CNTNAP2: variants seen among roughly 807,000 people sequenced by gnomAD.
CNTNAP2 encodes the protein contactin-associated protein-like 2.
Under a neutral mutation model 155.2 loss-of-function variants are expected in CNTNAP2, and 98 were observed. That is an observed-to-expected ratio of 0.63 (90% CI 0.54 to 0.75). The LOEUF (loss-of-function observed/expected upper bound fraction) is 0.75, where lower values mean the gene tolerates loss of function less well. Ranked by LOEUF, CNTNAP2 falls within the 30% of genes least tolerant of loss-of-function variation. The pLI is 0.00. For missense variants in CNTNAP2, 1,727 were observed against 1,688.1 expected (o/e 1.02, Z -0.40); for synonymous variants, 651 against 631.2 (o/e 1.03, Z -0.47).
At chr7:148,159,100 T>C (rs998097458) in intron 17 of CNTNAP2, among the ~76,000 whole-genome samples, 1 of 152,222 alleles carries the variant, frequency 6.6e-6, no homozygotes, top group Non-Finnish European at 1.5e-5. Flanking sequence ...CTCATGTTTT[T>C]ATCTCACAGT....
At chr7:148,054,712 G>A (rs1181617488) in intron 15 of CNTNAP2, among the ~76,000 whole-genome samples, 1 of 151,826 alleles carries the variant, frequency 6.6e-6, no homozygotes, top group African/African-American at 2.4e-5. Flanking sequence ...CATCCCCTGG[G>A]AAACTTTTAA....
intron 13 of CNTNAP2, among the ~76,000 whole-genome samples, chr7:147,860,027 G>A (rs1383237187): frequency 3.9e-5 from 6 of 152,150 alleles, no homozygotes; most frequent in Non-Finnish European, 8.8e-5. Context: ...TAATTTCCAT[G>A]TGTCAAGGGA....
At chr7:147,154,662 G>A (rs867657147) in intron 8 of CNTNAP2, among the ~76,000 whole-genome samples, 174 of 152,216 alleles carry the variant, frequency 1.1e-3, no homozygotes, top group African/African-American at 3.8e-3. Flanking sequence ...GAAATGAAAT[G>A]CACATAGCAC....
chr7:146,524,449 A>G (rs1343979036), intron 1 of CNTNAP2, among the ~76,000 whole-genome samples: 1 of 152,046 alleles, frequency 6.6e-6, no homozygotes, highest in African/African-American at 2.4e-5. Flanking sequence ...AAGAGTCTTC[A>G]TTACTCACTG....
chr7:146,665,788 A>AAAAAAAACAAAAAAAAAAAAAAAAAC lies in CNTNAP2; in HGVS notation c.98-108476_98-108475insCAAAAAAAAAAAAAAAAACAAAAAAA, dbSNP rs1554464853. On this transcript the variant is annotated intron_variant, in intron 1 of 23. Coordinates refer to ENST00000361727, the MANE Select transcript of CNTNAP2 (RefSeq NM_014141.6). ...GGAGTGAGACTCTGTCTCATTAAAA[A>AAAAAAAACAAAAAAAAAAAAAAAAAC]AAAAAAAAAATACATTTTGTAACTG... Among the ~76,000 whole-genome samples, 4 of 142,120 alleles carry AAAAAAAACAAAAAAAAAAAAAAAAAC rather than the reference A, an allele frequency of 2.8e-5. No individual in the cohort carries two copies. In the East Asian group the frequency reaches 6.7e-4, roughly 24 times the overall value. The allele number at this position is 142,120 out of a possible 152,430, so 93.2% of individuals were successfully genotyped here. A position where few individuals can be genotyped will look rare whatever the true frequency, so the allele number is the denominator to read the frequency against.
chr7:146,480,461 G>C (rs532631139), intron 1 of CNTNAP2, among the ~76,000 whole-genome samples: 43 of 151,610 alleles, frequency 2.8e-4, no homozygotes, highest in African/African-American at 9.7e-4. Flanking sequence ...TACAAAAAAC[G>C]TTCAGCTTCT....
intron 1 of CNTNAP2, among the ~76,000 whole-genome samples, chr7:146,409,573 T>C (rs1795838364): frequency 6.6e-6 from 1 of 152,192 alleles, no homozygotes; most frequent in Non-Finnish European, 1.5e-5. Flanking sequence ...AAATAAATGA[T>C]ATCTAAAACA....
chr7:147,848,736 AT>A (rs2116662906), intron 13 of CNTNAP2, among the ~76,000 whole-genome samples: 2 of 152,218 alleles, frequency 1.3e-5, no homozygotes, highest in South Asian at 4.1e-4. Flanking sequence ...ATAACTAAAT[AT>A]TTAATTTCCT....
chr7:147,627,443 A>T (rs1430673328), intron 12 of CNTNAP2, among the ~76,000 whole-genome samples: 1 of 152,152 alleles, frequency 6.6e-6, no homozygotes, highest in Non-Finnish European at 1.5e-5. Context: ...CACGCCTGAA[A>T]TCCCAGCACT....
chr7:146,133,332 G>C (rs1426420195), intron 1 of CNTNAP2, among the ~76,000 whole-genome samples: 1 of 151,722 alleles, frequency 6.6e-6, no homozygotes, highest in African/African-American at 2.4e-5. Flanking sequence ...CAGATGAGTA[G>C]GTTGTGAAAA....
At chr7:146,820,386 G>A (rs1803256790) in intron 2 of CNTNAP2, among the ~76,000 whole-genome samples, 2 of 152,064 alleles carry the variant, frequency 1.3e-5, no homozygotes, top group Non-Finnish European at 2.9e-5. Context: ...GTATATATAA[G>A]TAAATATAAA....
chr7:147,107,207 ATTTTGAATCATTCT>A (rs1800783331), intron 4 of CNTNAP2, among the ~76,000 whole-genome samples: 1 of 152,206 alleles, frequency 6.6e-6, no homozygotes. Flanking sequence ...GTTACATTGC[ATTTTGAATCATTCT>A]ATGAATCGAG....
chr7:147,492,261 A>G lies in CNTNAP2; in HGVS notation c.1777+6220A>G, dbSNP rs533215792. On this transcript the variant is annotated intron_variant, in intron 11 of 23. Transcript: ENST00000361727. ...AGTTCACAATAGGTTTCAGGATCCT[A>G]TGAGAATCTATTGCTGCCGCTGATC... Among the ~76,000 whole-genome samples the G allele has an allele frequency of 7.2e-5, 11 of 152,272 alleles. No homozygotes were observed. The South Asian group carries it at 2.1e-3, about 29-fold the overall frequency.
rs10673467 is a variant in CNTNAP2, at chr7:146,550,401, G to GTTTTTTTTTTTTTTTTTTT, written c.98-223860_98-223842dup. Among the ~76,000 whole-genome samples the GTTTTTTTTTTTTTTTTTTT allele has an allele frequency of 7.4e-5, 4 of 54,384 alleles. 1 individual carries two copies. The highest frequency in any genetic ancestry group is 2.7e-4 in the Admixed American group (1 of 3,726). The allele number at this position is 54,384 out of a possible 152,430, so 35.7% of individuals were successfully genotyped here. On this transcript the variant is annotated intron_variant, in intron 1 of 23. Coordinates refer to ENST00000361727, the MANE Select transcript of CNTNAP2 (RefSeq NM_014141.6). ...TTATAGCAGTGAGGTCCATTAATCTGTTTTTTTTTTTTTTTTTTTTTTTTT... is the reference window on the plus strand; with the variant it reads ...TTATAGCAGTGAGGTCCATTAATCTGTTTTTTTTTTTTTTTTTTTTTTTTTTTTTTTTTTTTTTTTTTTT...
chr7:146,797,976 T>C (rs1802801020), intron 2 of CNTNAP2, among the ~76,000 whole-genome samples: 1 of 151,856 alleles, frequency 6.6e-6, no homozygotes, highest in Non-Finnish European at 1.5e-5. Flanking sequence ...CATATGACAA[T>C]TAAGTTGATA....
intron 8 of CNTNAP2, among the ~76,000 whole-genome samples, chr7:147,214,250 T>C (rs1377327198): frequency 6.6e-6 from 1 of 152,112 alleles, no homozygotes; most frequent in African/African-American, 2.4e-5. Flanking sequence ...CTTTTATAAC[T>C]AGGAATGTTA....
At position 147,964,320 on chromosome 7, in the gene CNTNAP2, G is replaced by A. The variant is rs537970503; in HGVS notation, c.2256-13542G>A. 2.6e-4 allele frequency among the ~76,000 whole-genome samples: 39 copies of A among 152,228 alleles called. No individual in the cohort carries two copies. In the South Asian group the frequency reaches 4.6e-3, roughly 18 times the overall value. ...CACCCGATCCATGGTGTCTCAATAC[G>A]GCAGCCTGAGCAGACTAATCCAACA... On this transcript the variant is annotated intron_variant, in intron 14 of 23. Coordinates refer to ENST00000361727, the MANE Select transcript of CNTNAP2 (RefSeq NM_014141.6).
chr7:148,335,706 T>A (rs951952630), intron 21 of CNTNAP2, among the ~76,000 whole-genome samples: 11 of 152,216 alleles, frequency 7.2e-5, no homozygotes, highest in African/African-American at 2.7e-4. Context: ...AGCTGCCTCC[T>A]AATACATTTC....
intron 15 of CNTNAP2, among the ~76,000 whole-genome samples, chr7:148,072,015 A>C (rs570123714): frequency 2.6e-5 from 4 of 152,320 alleles, no homozygotes; most frequent in African/African-American, 9.6e-5. Flanking sequence ...TTAGTTAATC[A>C]TGTAAACAAT....
Sources: gnomAD v4.1 joint callset for allele counts (sites outside exome capture counted in the v4.1 genomes callset) on GRCh38, gnomAD v4.1.1 for gene constraint, MANE v1.5 for transcripts, NCBI Gene and HGNC (gene_info 2026-07-23, HGNC 2026-07-21) for gene names.